The following NTN1 variants were observed in gnomAD, a reference collection of about 807,000 sequenced individuals.
The protein encoded by NTN1 is netrin 1, also known as netrin-1.
Under a neutral mutation model 54.2 loss-of-function variants are expected in NTN1, and 11 were observed. That is an observed-to-expected ratio of 0.20 (90% CI 0.13 to 0.34). The LOEUF is 0.34. NTN1 is among the 10% of genes least tolerant of loss of function. NTN1 has a pLI of 1.00. For missense variants in NTN1, 740 were observed against 893.1 expected (o/e 0.83, Z 2.18); for synonymous variants, 371 against 382.0 (o/e 0.97, Z 0.33).
intron 2 of NTN1, among the ~76,000 whole-genome samples, chr17:9,126,015 C>G (rs967112655): frequency 6.6e-6 from 1 of 152,222 alleles, no homozygotes; most frequent in Non-Finnish European, 1.5e-5. Context: ...TGACAAGGGG[C>G]AGGGCCAGGC....
In NTN1 at chr17:9,212,031, C is replaced by T. The variant is rs769005963; in HGVS notation, c.1412-9137C>T. ...CTAGAAGATGCTTCATTTGGGGCAT[C>T]GTTAGCCTTTCTGCCCCCAAGGCCC... On this transcript the variant is annotated intron_variant, in intron 5 of 6. Transcript: ENST00000173229. The surrounding 1 kb of genome is among the most constrained non-coding windows in gnomAD (Gnocchi z 5.5). 2.6e-5 allele frequency among the ~76,000 whole-genome samples: 4 copies of T among 152,226 alleles called. No homozygotes were observed. Among genetic ancestry groups the T allele is most frequent in the Non-Finnish European group, 5.9e-5 (4 of 68,034 alleles).
chr17:9,080,484 T>C (rs529677461), intron 2 of NTN1, among the ~76,000 whole-genome samples: 5 of 152,360 alleles, frequency 3.3e-5, no homozygotes, highest in South Asian at 2.1e-4. Flanking sequence ...TGAAATCTCA[T>C]TGTAATATTG....
intron 2 of NTN1, among the ~76,000 whole-genome samples, chr17:9,033,917 CAAAA>C (rs58699789): frequency 0.017 from 1,823 of 106,426 alleles, 47 homozygotes; most frequent in African/African-American, 0.059. Flanking sequence ...AACTCTGTCT[CAAAA>C]AAAAAAAAAA....
At chr17:9,220,678 T>G (rs1462120077) in intron 5 of NTN1, among the ~76,000 whole-genome samples, 1 of 152,084 alleles carries the variant, frequency 6.6e-6, no homozygotes, top group Non-Finnish European at 1.5e-5. Flanking sequence ...AAAGGGGTTT[T>G]TTAATGCTTC....
intron 2 of NTN1, among the ~76,000 whole-genome samples, chr17:9,150,910 G>A (rs1255371040): frequency 6.6e-6 from 1 of 152,228 alleles, no homozygotes; most frequent in Non-Finnish European, 1.5e-5. Flanking sequence ...CACAGGGCCT[G>A]GGCTGTGCTT....
At chr17:9,225,533 G>T (rs987786665) in intron 6 of NTN1, among the ~76,000 whole-genome samples, 6 of 152,212 alleles carry the variant, frequency 3.9e-5, no homozygotes, top group African/African-American at 1.4e-4. Context: ...AGTGGGCTCT[G>T]CTGGCGTCTG....
At chr17:9,203,251 C>T (rs1007386191) in intron 5 of NTN1, among the ~76,000 whole-genome samples, 3 of 152,060 alleles carry the variant, frequency 2.0e-5, no homozygotes, top group African/African-American at 7.2e-5. Context: ...CTTCTTTGCC[C>T]TCTGTTTGCC....
chr17:9,193,336 G>C (rs1904519580), intron 5 of NTN1, among the ~76,000 whole-genome samples: 1 of 152,098 alleles, frequency 6.6e-6, no homozygotes, highest in Non-Finnish European at 1.5e-5. Context: ...GAAAAGCATG[G>C]GGGACAGTTA....
chr17:9,188,442 AAG>A (rs1491080010), intron 5 of NTN1, among the ~76,000 whole-genome samples: 1,714 of 84,808 alleles, frequency 0.02, 69 homozygotes, highest in African/African-American at 0.06. Context: ...AAAAAAAAAA[AAG>A]AGTGCTAAAT....
At chr17:9,030,761 A>G (rs973497779) in intron 2 of NTN1, among the ~76,000 whole-genome samples, 4 of 152,158 alleles carry the variant, frequency 2.6e-5, no homozygotes, top group African/African-American at 9.7e-5. Flanking sequence ...AAAGAAAAAA[A>G]AAAGAAAGAA....
intron 2 of NTN1, among the ~76,000 whole-genome samples, chr17:9,141,120 C>T (rs970699036): frequency 2.6e-5 from 4 of 151,288 alleles, no homozygotes; most frequent in South Asian, 2.1e-4. Context: ...GTGGGGTGGG[C>T]GGTTGGATAG....
chr17:9,086,830 GTCA>G (rs1350647993), intron 2 of NTN1, among the ~76,000 whole-genome samples: 3 of 151,938 alleles, frequency 2.0e-5, no homozygotes, highest in South Asian at 2.1e-4. Flanking sequence ...CATCGTTGCT[GTCA>G]TCATCACCAT....
chr17:9,231,639 G>A (rs1462190200), intron 6 of NTN1, among the ~76,000 whole-genome samples: 1 of 152,206 alleles, frequency 6.6e-6, no homozygotes, highest in East Asian at 1.9e-4. Flanking sequence ...AGGCAAAGGG[G>A]CTCGCTGGAG....
intron 5 of NTN1, among the ~76,000 whole-genome samples, chr17:9,202,232 C>T (rs983877210): frequency 6.6e-6 from 1 of 151,894 alleles, no homozygotes; most frequent in African/African-American, 2.4e-5. Flanking sequence ...CAGAGTGAGA[C>T]TCCATCTCAA....
At chr17:9,043,639 C>T (rs748270708) in intron 2 of NTN1, among the ~76,000 whole-genome samples, 1 of 151,438 alleles carries the variant, frequency 6.6e-6, no homozygotes, top group Non-Finnish European at 1.5e-5. Context: ...TGCAATGGCG[C>T]GATCTTGGCT....
intron 2 of NTN1, among the ~76,000 whole-genome samples, chr17:9,036,216 C>T (rs1222904424): frequency 1.4e-5 from 1 of 69,644 alleles, no homozygotes; most frequent in Non-Finnish European, 3.3e-5. Flanking sequence ...AGTGGTTGTA[C>T]AAATTTATAT....
chr17:9,171,089 T>C (rs1363294056), intron 3 of NTN1: 2 of 152,238 alleles, frequency 1.3e-5, no homozygotes, highest in East Asian at 3.9e-4. Flanking sequence ...ACTTGAAACA[T>C]TTATTCTTTT....
intron 3 of NTN1, among the ~76,000 whole-genome samples, chr17:9,163,796 C>T (rs993916911): frequency 3.3e-5 from 5 of 152,158 alleles, no homozygotes; most frequent in Non-Finnish European, 7.4e-5. Context: ...GGGCCCCCCC[C>T]ACCCCACAAA....
chr17:9,215,106 A>T (rs549593198), intron 5 of NTN1, among the ~76,000 whole-genome samples: 1 of 152,316 alleles, frequency 6.6e-6, no homozygotes, highest in East Asian at 1.9e-4. Context: ...ACTTGTCAGA[A>T]TCGAGCATGA....
Sources: allele counts gnomAD v4.1 joint callset (sites outside exome capture counted in the v4.1 genomes callset), GRCh38; gene constraint gnomAD v4.1.1; non-coding constraint Gnocchi (gnomAD v3.1); transcripts MANE v1.5; gene names NCBI Gene and HGNC (gene_info 2026-07-23, HGNC 2026-07-21).